The following ZMAT1 variants were observed in gnomAD, a reference collection of about 807,000 sequenced individuals.
ZMAT1 encodes the protein zinc finger matrin-type protein 1.
A neutral mutation model predicts 18.5 loss-of-function variants in ZMAT1; 11 were observed. The ratio of observed to expected loss-of-function variants is 0.59; its 90% CI spans 0.37 to 0.98. The LOEUF is 0.98. ZMAT1 is among the 50% of genes least tolerant of loss of function. The pLI is 0.01. For synonymous variants in ZMAT1, 211 were observed against 176.4 expected, an observed-to-expected ratio of 1.20 and a Z score of -1.55; for missense variants, 525 against 496.2, an observed-to-expected ratio of 1.06 and a Z score of -0.55.
intron 1 of ZMAT1, among the ~76,000 whole-genome samples, chrX:101,911,081 C>A (rs931334920): frequency 9.0e-6 from 1 of 111,222 alleles, no homozygotes; most frequent in East Asian, 2.8e-4. Flanking sequence ...TGTCAGGCAG[C>A]AGACTTTTCA....
intron 2 of ZMAT1, among the ~76,000 whole-genome samples, chrX:101,899,422 C>T (rs1039687124): frequency 9.0e-6 from 1 of 111,649 alleles, no homozygotes; most frequent in Non-Finnish European, 1.9e-5. Flanking sequence ...GCAGTATACA[C>T]TGTGCCATAT....
chrX:101,928,819 G>C, intron 1 of ZMAT1, among the ~76,000 whole-genome samples: 1 of 111,589 alleles, frequency 9.0e-6, no homozygotes, highest in Middle Eastern at 4.7e-3. Flanking sequence ...GGATAAATTT[G>C]ATATATTTTT....
rs1926659395 is a variant in ZMAT1 at position 101,883,644 on chromosome X, G to A, written c.1954C>T (p.His652Tyr). The A allele has an allele frequency of 1.7e-6, 2 of 1,203,996 alleles. No homozygotes were observed. The highest frequency in any genetic ancestry group is 2.2e-5 in the Admixed American group (1 of 45,150). Residue 652 changes from histidine (H) to tyrosine (Y), a missense_variant, in exon 6 of 6, where the codon CAT (histidine) becomes TAT (tyrosine). Physicochemically the swap from His to Tyr is moderately conservative, Grantham distance 83. Transcript: ENST00000651725. ...TCATGGCTTTTTTTCTTTTTTCGATGCTTAAGCTTTCCTGAACTGACCTTG... is the reference window on the plus strand; with the variant it reads ...TCATGGCTTTTTTTCTTTTTTCGATACTTAAGCTTTCCTGAACTGACCTTG... ...RVKVSSGKLK[H>Y]RKKKKSHDVP...
chrX:101,923,789 T>C (rs980506347), intron 1 of ZMAT1, among the ~76,000 whole-genome samples: 3 of 111,971 alleles, frequency 2.7e-5, no homozygotes, highest in African/African-American at 6.5e-5. Flanking sequence ...CAATGATAAA[T>C]GTACAAAATT....
intron 4 of ZMAT1, chrX:101,890,201 T>C (rs921033136): frequency 8.9e-6 from 1 of 111,875 alleles, no homozygotes; most frequent in Non-Finnish European, 1.9e-5. Context: ...CAAATATGAA[T>C]TGAGAAAAAA....
intron 1 of ZMAT1, among the ~76,000 whole-genome samples, chrX:101,913,328 G>A (rs1330303246): frequency 9.0e-6 from 1 of 111,334 alleles, no homozygotes; most frequent in Admixed American, 9.5e-5. Context: ...GAAGAACTAA[G>A]TCCTTACTTA....
intron 1 of ZMAT1, among the ~76,000 whole-genome samples, chrX:101,926,536 G>T (rs979019501): frequency 1.8e-5 from 2 of 112,124 alleles, no homozygotes; most frequent in Admixed American, 9.5e-5. Context: ...TGGCTTGAGT[G>T]AGAATAATGA....
chrX:101,888,044 T>C (rs988446808), intron 4 of ZMAT1: 3 of 111,803 alleles, frequency 2.7e-5, no homozygotes, highest in Non-Finnish European at 5.6e-5. Context: ...GTTAAAAATA[T>C]AGATTCCCAG....
intron 1 of ZMAT1, chrX:101,911,938 C>G (rs1979963118): frequency 3.3e-5 from 40 of 1,204,518 alleles, no homozygotes; most frequent in Non-Finnish European, 5.6e-6. Flanking sequence ...GCGGAAAGTC[C>G]TTTAGGCAGA....
rs112327457 is a variant in ZMAT1 at position 101,931,421 on chromosome X, T to C, written c.292+296A>G. 2,985 of 749,381 alleles carry C rather than the reference T, an allele frequency of 4.0e-3. 52 individuals carry two copies. The African/African-American group carries it at 0.065, about 16-fold the overall frequency. 61.8% of individuals were successfully genotyped at this position (749,381 alleles called of 1,213,427 possible). Reference sequence around the variant, plus strand: ...AAGGTGTCCTGGCTGGGAGAGAAATTATGTGGTATTTTTTTTTCCCTTCAA... The same window carrying C: ...AAGGTGTCCTGGCTGGGAGAGAAATCATGTGGTATTTTTTTTTCCCTTCAA... On this transcript the variant is annotated intron_variant, in intron 1 of 5. Transcript: ENST00000651725.
intron 1 of ZMAT1, among the ~76,000 whole-genome samples, chrX:101,927,709 G>A (rs1316779637): frequency 8.9e-6 from 1 of 112,023 alleles, no homozygotes; most frequent in Non-Finnish European, 1.9e-5. Flanking sequence ...TAACACACCT[G>A]ATCCCATGAC....
intron 2 of ZMAT1, among the ~76,000 whole-genome samples, chrX:101,901,715 AAT>A (rs888123542): frequency 9.0e-6 from 1 of 111,500 alleles, no homozygotes; most frequent in African/African-American, 3.3e-5. Context: ...CATATCCATA[AAT>A]AGTTTTATAT....
At position 101,884,640 on chromosome X, in the gene ZMAT1, G is replaced by A. The variant is rs1367848855; in HGVS notation, c.958C>T (p.Pro320Ser). 1 of 1,210,683 alleles carries A rather than the reference G, an allele frequency of 8.3e-7. No homozygotes were observed. The highest frequency in any genetic ancestry group is 1.1e-6 in the Non-Finnish European group (1 of 895,082). ...CTTTGTTCAAACATTCTATGTCTGG[G>A]TCTGGAATCGACCACTTCTCTGTAT... Reference protein sequence around the residue: ...RRYREVVDSRPRHRMFEQRLP... With the variant: ...RRYREVVDSRSRHRMFEQRLP... The change falls in exon 6 of 6, where the codon CCC becomes TCC. Residue 320 changes from proline (P) to serine (S), a missense_variant. Pro to Ser is a moderately conservative substitution (Grantham distance 74, BLOSUM62 -1). Coordinates refer to ENST00000651725, the MANE Select transcript of ZMAT1 (RefSeq NM_001394560.1).
rs755194062 is a variant in ZMAT1 at position 101,904,307 on chromosome X, T to C, written c.316A>G (p.Lys106Glu). 4.2e-6 allele frequency: 5 copies of C among 1,203,314 alleles called. No individual in the cohort carries two copies. Residue 106 changes from lysine (K) to glutamate (E), a missense_variant, in exon 2 of 6, where the codon AAG becomes GAG. Lys to Glu is a moderately conservative substitution (Grantham distance 56). Transcript: ENST00000651725. Reference sequence around the variant, plus strand: ...AACTTATCTGTAAAAAGTTCAGCCTTTTCCTGTTCATTCCAAATGGCGTCT... The same window carrying C: ...AACTTATCTGTAAAAAGTTCAGCCTCTTCCTGTTCATTCCAAATGGCGTCT... ...REDAIWNEQE[K>E]AELFTDKFCQ...
At chrX:101,898,906 G>A (rs746165550) in intron 2 of ZMAT1, among the ~76,000 whole-genome samples, 11 of 111,254 alleles carry the variant, frequency 9.9e-5, no homozygotes, top group Non-Finnish European at 1.5e-4. Context: ...AAATTAGCTG[G>A]GCGTGGTGGT....
chrX:101,916,121 C>T (rs1394062568), intron 1 of ZMAT1, among the ~76,000 whole-genome samples: 1 of 110,812 alleles, frequency 9.0e-6, no homozygotes, highest in Non-Finnish European at 1.9e-5. Flanking sequence ...AGCCATAATC[C>T]TCAGCAAACT....
At position 101,883,585 on chromosome X, in the gene ZMAT1, C is replaced by A. The variant is rs756353725; in HGVS notation, c.2013G>T (p.Arg671Ser). 1.7e-5 allele frequency: 20 copies of A among 1,202,524 alleles called. No individual in the cohort carries two copies. Among genetic ancestry groups the A allele is most frequent in the Non-Finnish European group, 2.2e-5 (20 of 893,196 alleles). The change falls in exon 6 of 6, where the codon AGG becomes AGT. Residue 671 changes from arginine (R) to serine (S), a missense_variant. Transcript: ENST00000651725. ...CTTCAACAGATTTCTTTTTCTCTTT[C>A]CTGTGCTTACGTTCTTCTTTCTCGG... ...VPSEKEERKH[R>S]KEKKKSVEER... is the part of the protein sequence containing the mutation.
At chrX:101,919,196 T>C (rs955431140) in intron 1 of ZMAT1, among the ~76,000 whole-genome samples, 2 of 111,812 alleles carry the variant, frequency 1.8e-5, no homozygotes, top group Non-Finnish European at 3.8e-5. Flanking sequence ...TTGGGTATCA[T>C]ATAACTTTAT....
Position 101,886,614 on chromosome X carries a change from T to G in ZMAT1, c.776+18A>C. On this transcript the variant is annotated intron_variant, in intron 5 of 5. Transcript: ENST00000651725. ...CTGGTCTTTGGTATCATAGGAAAATTTTGGCAAAAATACTTACTTAATTTG... is the reference window on the plus strand; with the variant it reads ...CTGGTCTTTGGTATCATAGGAAAATGTTGGCAAAAATACTTACTTAATTTG... The G allele has an allele frequency of 8.7e-7, 1 of 1,148,504 alleles. No homozygotes were observed. Among genetic ancestry groups the G allele is most frequent in the Non-Finnish European group, 1.2e-6 (1 of 847,511 alleles). The allele number at this position is 1,148,504 out of a possible 1,213,427, so 94.6% of individuals were successfully genotyped here.
Sources: gnomAD v4.1 joint callset for allele counts (sites outside exome capture counted in the v4.1 genomes callset) on GRCh38, gnomAD v4.1.1 for gene constraint, MANE v1.5 for transcripts, NCBI Gene and HGNC (gene_info 2026-07-23, HGNC 2026-07-21) for gene names.